Variants in UTP3 observed in about 807,000 individuals in gnomAD.
The protein encoded by UTP3 is UTP3 small subunit processome component, also known as something about silencing protein 10.
UTP3 carries 19 observed loss-of-function variants against 37.9 expected under a neutral mutation model. That is an observed-to-expected ratio of 0.50 (90% CI 0.35 to 0.74). UTP3 has a LOEUF of 0.74. UTP3 is among the 30% of genes least tolerant of loss of function. The pLI, the probability that UTP3 is intolerant of heterozygous loss-of-function variation, is 0.01. For synonymous variants in UTP3, 242 were observed against 218.5 expected, an observed-to-expected ratio of 1.11 and a Z score of -0.95; for missense variants, 504 against 570.7, an observed-to-expected ratio of 0.88 and a Z score of 1.19.
chr4:70,689,355 C>G lies in UTP3; in HGVS notation c.678C>G (p.Leu226=). ...TGTTGCGAAAGGAATCACCAGAACT[C>G]TTGGAGCTGATAGAAGACCTGAAAG... ...LKMLRKESPE[L]LELIEDLKVK... is the part of the protein sequence containing the mutation. The change falls in exon 1 of 1, where the codon CTC becomes CTG. Residue 226 remains leucine, a synonymous_variant. Transcript: ENST00000254803. 6.2e-7 allele frequency: 1 copy of G among 1,614,130 alleles called. No homozygotes were observed.
Position 70,688,663 on chromosome 4 carries a change from C to T in UTP3, c.-15C>T. 6.2e-7 allele frequency: 1 copy of T among 1,607,354 alleles called. No individual in the cohort carries two copies. Among genetic ancestry groups the T allele is most frequent in the South Asian group, 1.1e-5 (1 of 90,184 alleles). ...CGAAAGTCCGGAGTCGCTGTAAAAC[C>T]TGAGATTGTGAGCCATGGTGGGGAG... On this transcript the variant is annotated 5_prime_UTR_variant, in exon 1 of 1. Transcript: ENST00000254803.
chr4:70,688,864 G>A lies in UTP3; in HGVS notation c.187G>A (p.Gly63Ser). ...EARSRAALAK[G>S]WNEVQSGDEE... is the part of the protein sequence containing the mutation. ...ACGATCCCGGGCCGCCTTAGCTAAG[G>A]GCTGGAATGAAGTACAGAGTGGAGA... The change falls in exon 1 of 1, where the codon GGC (glycine) becomes AGC (serine). Residue 63 changes from glycine to serine, a missense_variant. Transcript: ENST00000254803. 6.2e-7 allele frequency: 1 copy of A among 1,614,136 alleles called. No individual in the cohort carries two copies.
chr4:70,688,548 T>G lies in UTP3; in HGVS notation c.-130T>G. 2.3e-6 allele frequency: 2 copies of G among 883,244 alleles called. No homozygotes were observed. Among genetic ancestry groups the G allele is most frequent in the Non-Finnish European group, 3.4e-6 (2 of 591,976 alleles). The allele number at this position is 883,244 out of a possible 1,614,324, so 54.7% of individuals were successfully genotyped here. A position where few individuals can be genotyped will look rare whatever the true frequency, so the allele number is the denominator to read the frequency against. ...GGAAATTCCAGTAGCCGATCAGGAG[T>G]CTGCAAACTCCGGTGGTAGGGGAGC... On this transcript the variant is annotated 5_prime_UTR_variant, in exon 1 of 1. Transcript: ENST00000254803.
chr4:70,688,777 T>G lies in UTP3; in HGVS notation c.100T>G (p.Leu34Val). Residue 34 changes from leucine to valine, a missense_variant, in exon 1 of 1, where the codon TTG becomes GTG. Physicochemically the swap from Leu to Val is conservative, Grantham distance 32 (BLOSUM62 1). Transcript: ENST00000254803. Reference protein sequence around the residue: ...LTDENGDDLGLPPSPGDTSYY... With the variant: ...LTDENGDDLGVPPSPGDTSYY... ...CGACGAAAATGGAGATGATTTAGGA[T>G]TGCCACCCTCACCAGGGGACACCAG... The G allele has an allele frequency of 1.2e-6, 2 of 1,613,980 alleles. No homozygotes were observed. The highest frequency in any genetic ancestry group is 1.7e-6 in the Non-Finnish European group (2 of 1,180,008).
rs772818086 is a variant in UTP3 at position 70,689,965 on chromosome 4, C to T, written c.1288C>T (p.Arg430Cys). 6.8e-6 allele frequency: 11 copies of T among 1,613,926 alleles called. No homozygotes were observed. Among genetic ancestry groups the T allele is most frequent in the South Asian group, 1.1e-5 (1 of 91,062 alleles). Residue 430 changes from arginine to cysteine, a missense_variant, in exon 1 of 1, where the codon CGC becomes TGC. Physicochemically the swap from Arg to Cys is radical, Grantham distance 180. Transcript: ENST00000254803. ...GLTPRRKKID[R>C]NPRVKHREKF... ...TACTCCTAGGAGAAAGAAGATTGAT[C>T]GCAATCCCAGAGTGAAACACAGAGA...
In UTP3 at chr4:70,689,240, C is replaced by G. The variant is rs753728199; in HGVS notation, c.563C>G (p.Ala188Gly). 6 of 1,614,122 alleles carry G rather than the reference C, an allele frequency of 3.7e-6. No individual in the cohort carries two copies. In the East Asian group the frequency reaches 8.9e-5, roughly 24 times the overall value. Residue 188 changes from alanine (A) to glycine (G), a missense_variant, in exon 1 of 1, where the codon GCC (alanine) becomes GGC (glycine). Coordinates refer to ENST00000254803, the MANE Select transcript of UTP3 (RefSeq NM_020368.3). ...EDDFGVAWVE[A>G]FAKPVPQVDE... ...GATTTTGGTGTCGCCTGGGTTGAGG[C>G]CTTTGCAAAACCAGTGCCTCAGGTA... is the stretch of plus-strand genomic sequence containing the variant.
chr4:70,689,306 T>C lies in UTP3; in HGVS notation c.629T>C (p.Val210Ala). The C allele has an allele frequency of 6.2e-7, 1 of 1,614,036 alleles. No individual in the cohort carries two copies. Among genetic ancestry groups the C allele is most frequent in the Non-Finnish European group, 8.5e-7 (1 of 1,180,018 alleles). The change falls in exon 1 of 1, where the codon GTT (valine) becomes GCT (alanine). Residue 210 changes from valine to alanine, a missense_variant. Transcript: ENST00000254803. ...ETRVVKDLAKVSVKEKLKMLR... is the reference protein window; with the variant it reads ...ETRVVKDLAKASVKEKLKMLR... ...CGGGTCGTGAAGGATTTGGCTAAAGTTTCAGTGAAAGAGAAGCTGAAAATG... is the reference window on the plus strand; with the variant it reads ...CGGGTCGTGAAGGATTTGGCTAAAGCTTCAGTGAAAGAGAAGCTGAAAATG...
In UTP3 at chr4:70,689,682, A is replaced by C. The variant is rs1739580847; in HGVS notation, c.1005A>C (p.Lys335Asn). The change falls in exon 1 of 1, where the codon AAA becomes AAC. Residue 335 changes from lysine (K) to asparagine (N), a missense_variant. Coordinates refer to ENST00000254803, the MANE Select transcript of UTP3 (RefSeq NM_020368.3). ...LLTLKDDAVK[K>N]ELIPKAKSTK... The stretch of plus-strand genomic sequence containing the variant: ...CACTTAAGGATGATGCTGTAAAGAA[A>C]GAACTGATTCCAAAAGCAAAATCCA... 1 of 1,614,124 alleles carries C rather than the reference A, an allele frequency of 6.2e-7. No homozygotes were observed. Among genetic ancestry groups the C allele is most frequent in the Admixed American group, 1.7e-5 (1 of 60,000 alleles).
In UTP3 at chr4:70,690,172, T is replaced by C; in HGVS notation, c.*55T>C. On this transcript the variant is annotated 3_prime_UTR_variant, in exon 1 of 1. Transcript: ENST00000254803. ...GTTTTGGATCAATAAATTTTTACTT[T>C]TAACTAAAGTCATTGTATTAATATA... 1 of 1,499,790 alleles carries C rather than the reference T, an allele frequency of 6.7e-7. No individual in the cohort carries two copies. Among genetic ancestry groups the C allele is most frequent in the Non-Finnish European group, 8.9e-7 (1 of 1,127,192 alleles). 92.9% of individuals were successfully genotyped at this position (1,499,790 alleles called of 1,614,324 possible). A position where few individuals can be genotyped will look rare whatever the true frequency, so the allele number is the denominator to read the frequency against.
chr4:70,690,306 A>T lies in UTP3; in HGVS notation c.*189A>T, dbSNP rs1739594468. The T allele has an allele frequency of 1.0e-5, 5 of 502,258 alleles. No homozygotes were observed. The highest frequency in any genetic ancestry group is 1.6e-5 in the Non-Finnish European group (5 of 315,342). 31.1% of individuals were successfully genotyped at this position (502,258 alleles called of 1,614,324 possible). ...ATGAAGGTGCTTGAGAAAAGAGATG[A>T]TGTTGAAGTTTTCCAATATTCTGTT... On this transcript the variant is annotated 3_prime_UTR_variant, in exon 1 of 1. Coordinates refer to ENST00000254803, the MANE Select transcript of UTP3 (RefSeq NM_020368.3).
At position 70,690,063 on chromosome 4, in the gene UTP3, T is replaced by A. The variant is rs1209359247; in HGVS notation, c.1386T>A (p.Ser462Arg). ...TTCGTAAAGAAGAGCAACGTTATAG[T>A]GGTGAATTATCTGGCATTCGTGCAG... ...REVRKEEQRY[S>R]GELSGIRAGV... is the part of the protein sequence containing the mutation. Residue 462 changes from serine to arginine, a missense_variant, in exon 1 of 1, where the codon AGT becomes AGA. Physicochemically the swap from Ser to Arg is moderately radical, Grantham distance 110. Transcript: ENST00000254803. The A allele has an allele frequency of 6.2e-7, 1 of 1,611,654 alleles. No homozygotes were observed. The highest frequency in any genetic ancestry group is 1.7e-5 in the Admixed American group (1 of 59,100).
chr4:70,688,968 T>A lies in UTP3; in HGVS notation c.291T>A (p.Asn97Lys), dbSNP rs1189476024. ...ATGAGGACGACGAAGATGGAGGGAATGCGGGGGAGGAGGAGGAGGAGGAGA... is the reference window on the plus strand; with the variant it reads ...ATGAGGACGACGAAGATGGAGGGAAAGCGGGGGAGGAGGAGGAGGAGGAGA... ...MDDEDDEDGG[N>K]AGEEEEEENA... Residue 97 changes from asparagine to lysine, a missense_variant, in exon 1 of 1, where the codon AAT (asparagine) becomes AAA (lysine). Physicochemically the swap from Asn to Lys is moderately conservative, Grantham distance 94. Coordinates refer to ENST00000254803, the MANE Select transcript of UTP3 (RefSeq NM_020368.3). The A allele has an allele frequency of 1.2e-6, 2 of 1,602,112 alleles. No homozygotes were observed. The highest frequency in any genetic ancestry group is 2.2e-5 in the South Asian group (2 of 89,512).
rs1739562954 is a variant in UTP3, at chr4:70,688,897, G to A, written c.220G>A (p.Asp74Asn). 6.2e-7 allele frequency: 1 copy of A among 1,613,962 alleles called. No homozygotes were observed. Among genetic ancestry groups the A allele is most frequent in the African/African-American group, 1.3e-5 (1 of 74,928 alleles). ...WNEVQSGDEE[D>N]GEEEEEEVLA... ...TGAAGTACAGAGTGGAGACGAGGAG[G>A]ATGGCGAGGAGGAGGAGGAGGAGGT... Residue 74 changes from aspartate to asparagine, a missense_variant, in exon 1 of 1, where the codon GAT (aspartate) becomes AAT (asparagine). By Grantham distance (23) the Asp-to-Asn change is conservative (BLOSUM62 1). Transcript: ENST00000254803.
chr4:70,688,572 G>A lies in UTP3; in HGVS notation c.-106G>A. The A allele has an allele frequency of 8.6e-7, 1 of 1,159,996 alleles. No individual in the cohort carries two copies. The highest frequency in any genetic ancestry group is 1.5e-5 in the South Asian group (1 of 64,530). 71.9% of individuals were successfully genotyped at this position (1,159,996 alleles called of 1,614,324 possible). A position where few individuals can be genotyped will look rare whatever the true frequency, so the allele number is the denominator to read the frequency against. Reference sequence around the variant, plus strand: ...GTCTGCAAACTCCGGTGGTAGGGGAGCGCGCTGCTGTTTAGAGCCACGAGT... The same window carrying A: ...GTCTGCAAACTCCGGTGGTAGGGGAACGCGCTGCTGTTTAGAGCCACGAGT... On this transcript the variant is annotated 5_prime_UTR_variant, in exon 1 of 1. Coordinates refer to ENST00000254803, the MANE Select transcript of UTP3 (RefSeq NM_020368.3).
Position 70,690,017 on chromosome 4 carries a change from G to A in UTP3, c.1340G>A (p.Arg447Lys). ...AAGTTCAGAAGAGCCAAAATTAGAA[G>A]AAGAGGCCAGGTTCGTGAAGTTCGT... Reference protein sequence around the residue: ...REKFRRAKIRRRGQVREVRKE... With the variant: ...REKFRRAKIRKRGQVREVRKE... The change falls in exon 1 of 1, where the codon AGA becomes AAA. Residue 447 changes from arginine to lysine, a missense_variant. Arg to Lys is a conservative substitution (Grantham distance 26, BLOSUM62 2). Coordinates refer to ENST00000254803, the MANE Select transcript of UTP3 (RefSeq NM_020368.3). 1 of 1,614,126 alleles carries A rather than the reference G, an allele frequency of 6.2e-7. No homozygotes were observed. Among genetic ancestry groups the A allele is most frequent in the East Asian group, 2.2e-5 (1 of 44,876 alleles).
chr4:70,689,096 A>G lies in UTP3; in HGVS notation c.419A>G (p.Asp140Gly), dbSNP rs780954575. ...GQRKKLYYDT[D>G]YGSKSRGRQS... ...AGGAAAAAACTTTACTATGACACGG[A>G]CTATGGTTCCAAGTCCCGAGGCCGG... Residue 140 changes from aspartate to glycine, a missense_variant, in exon 1 of 1, where the codon GAC becomes GGC. Physicochemically the swap from Asp to Gly is moderately conservative, Grantham distance 94. Coordinates refer to ENST00000254803, the MANE Select transcript of UTP3 (RefSeq NM_020368.3). The G allele has an allele frequency of 1.2e-6, 2 of 1,612,290 alleles. No homozygotes were observed. The highest frequency in any genetic ancestry group is 1.7e-6 in the Non-Finnish European group (2 of 1,179,258).
In UTP3 at chr4:70,688,656, G is replaced by T; in HGVS notation, c.-22G>T. The T allele has an allele frequency of 6.2e-7, 1 of 1,601,702 alleles. No individual in the cohort carries two copies. The highest frequency in any genetic ancestry group is 8.5e-7 in the Non-Finnish European group (1 of 1,174,448). On this transcript the variant is annotated 5_prime_UTR_variant, in exon 1 of 1. Transcript: ENST00000254803. ...TGGTGGCCGAAAGTCCGGAGTCGCT[G>T]TAAAACCTGAGATTGTGAGCCATGG...
In UTP3 at chr4:70,688,591, CACGAGTT is replaced by C. The variant is rs1284733046; in HGVS notation, c.-84_-78del. The C allele has an allele frequency of 1.8e-5, 25 of 1,390,638 alleles. No homozygotes were observed. Among genetic ancestry groups the C allele is most frequent in the Non-Finnish European group, 2.4e-5 (25 of 1,029,806 alleles). The allele number at this position is 1,390,638 out of a possible 1,614,324, so 86.1% of individuals were successfully genotyped here. A position where few individuals can be genotyped will look rare whatever the true frequency, so the allele number is the denominator to read the frequency against. On this transcript the variant is annotated 5_prime_UTR_variant, in exon 1 of 1. Coordinates refer to ENST00000254803, the MANE Select transcript of UTP3 (RefSeq NM_020368.3). ...AGGGGAGCGCGCTGCTGTTTAGAGC[CACGAGTT>C]ACCGGAGCGCCTGATTCCTGCGCCG...
Position 70,689,277 on chromosome 4 carries a change from G to A in UTP3, c.600G>A (p.Glu200=), listed in dbSNP as rs1194709787. Residue 200 remains glutamate, a synonymous_variant, in exon 1 of 1, where the codon GAG becomes GAA. Coordinates refer to ENST00000254803, the MANE Select transcript of UTP3 (RefSeq NM_020368.3). ...CAGTGCCTCAGGTAGATGAGGCTGA[G>A]ACACGGGTCGTGAAGGATTTGGCTA... ...AKPVPQVDEA[E]TRVVKDLAKV... is the part of the protein sequence containing the mutation. The A allele has an allele frequency of 3.1e-6, 5 of 1,614,114 alleles. No homozygotes were observed.
Sources: gnomAD v4.1 joint callset for allele counts on GRCh38, gnomAD v4.1.1 for gene constraint, MANE v1.5 for transcripts, NCBI Gene and HGNC (gene_info 2026-07-23, HGNC 2026-07-21) for gene names.